The following TNNI3K variants were observed in gnomAD, a reference collection of about 807,000 sequenced individuals.
TNNI3K encodes TNNI3 interacting kinase.
Under a neutral mutation model 114.5 loss-of-function variants are expected in TNNI3K, and 140 were observed. That is an observed-to-expected ratio of 1.22 (90% CI 1.07 to 1.41). TNNI3K has a LOEUF of 1.41. TNNI3K is among the 40% of genes most tolerant of loss of function. The probability of loss-of-function intolerance (pLI) is 0.00; values close to 1 mark genes in which losing one functional copy is unlikely to be tolerated. For missense variants in TNNI3K, 1,125 were observed against 1,007.6 expected (o/e 1.12, Z -1.58); for synonymous variants, 347 against 347.5 (o/e 1.00, Z 0.02).
At chr1:74,526,582 G>A (rs955766271) in intron 23 of TNNI3K, among the ~76,000 whole-genome samples, 7 of 152,264 alleles carry the variant, frequency 4.6e-5, no homozygotes, top group East Asian at 3.9e-4. Flanking sequence ...TGAAGGTGAC[G>A]TGAGAATGCA....
intron 21 of TNNI3K, among the ~76,000 whole-genome samples, chr1:74,466,844 C>A (rs1255729395): frequency 1.3e-5 from 2 of 152,112 alleles, no homozygotes; most frequent in African/African-American, 4.8e-5. Flanking sequence ...CTACTGTATA[C>A]CTCCTAGGAT....
At chr1:74,279,260 T>C (rs1656861707) in intron 5 of TNNI3K, among the ~76,000 whole-genome samples, 1 of 152,202 alleles carries the variant, frequency 6.6e-6, no homozygotes, top group Admixed American at 6.5e-5. Context: ...CACCACAGGC[T>C]CACTCTTTGC....
At chr1:74,485,970 C>A (rs1443689853) in intron 21 of TNNI3K, among the ~76,000 whole-genome samples, 2 of 152,122 alleles carry the variant, frequency 1.3e-5, no homozygotes, top group East Asian at 3.9e-4. Context: ...TAGTGAAACT[C>A]TGAGCAAAGG....
chr1:74,241,281 T>C (rs1239592123), intron 2 of TNNI3K, among the ~76,000 whole-genome samples: 1 of 152,238 alleles, frequency 6.6e-6, no homozygotes, highest in Non-Finnish European at 1.5e-5. Flanking sequence ...TTATAATCCT[T>C]TGGGTATATA....
intron 23 of TNNI3K, among the ~76,000 whole-genome samples, chr1:74,498,661 T>A (rs894634989): frequency 6.6e-6 from 1 of 152,184 alleles, no homozygotes; most frequent in African/African-American, 2.4e-5. Context: ...TACATTCCTG[T>A]CAAGTTCAAA....
At chr1:74,303,298 T>G (rs764610429) in intron 5 of TNNI3K, among the ~76,000 whole-genome samples, 30 of 152,226 alleles carry the variant, frequency 2.0e-4, no homozygotes, top group Non-Finnish European at 4.0e-4. Flanking sequence ...GTTCAAGTGA[T>G]TCTCCTGCCA....
In TNNI3K at chr1:74,540,296, C is replaced by T. The variant is rs755654438; in HGVS notation, c.2414C>T (p.Thr805Ile). 6.2e-7 allele frequency: 1 copy of T among 1,611,770 alleles called. No homozygotes were observed. Among genetic ancestry groups the T allele is most frequent in the Non-Finnish European group, 8.5e-7 (1 of 1,178,682 alleles). Reference protein sequence around the residue: ...LEEMKRSLQYTPIDKYGYVSD... With the variant: ...LEEMKRSLQYIPIDKYGYVSD... Reference sequence around the variant, plus strand: ...GAGATGAAAAGAAGTCTTCAATACACACCCATTGACAAATATGGTAAGTAG... The same window carrying T: ...GAGATGAAAAGAAGTCTTCAATACATACCCATTGACAAATATGGTAAGTAG... Residue 805 changes from threonine to isoleucine, a missense_variant, in exon 24 of 25, where the codon ACA becomes ATA. Coordinates refer to ENST00000326637, the MANE Select transcript of TNNI3K (RefSeq NM_015978.3).
Position 74,235,499 on chromosome 1 carries a change from T to G in TNNI3K, c.40+8T>G. The G allele has an allele frequency of 7.4e-7, 1 of 1,349,146 alleles. No homozygotes were observed. Among genetic ancestry groups the G allele is most frequent in the Non-Finnish European group, 1.0e-6 (1 of 963,012 alleles). 83.6% of individuals were successfully genotyped at this position (1,349,146 alleles called of 1,614,324 possible). A position where few individuals can be genotyped will look rare whatever the true frequency, so the allele number is the denominator to read the frequency against. ...CAACCCAAACTTGTACTGGTAATTA[T>G]TCTAATTATTCTTATTTCCTTAAGT... is the stretch of plus-strand genomic sequence containing the variant. On this transcript the variant is annotated splice_region_variant and intron_variant, in intron 1 of 24. Coordinates refer to ENST00000326637, the MANE Select transcript of TNNI3K (RefSeq NM_015978.3).
intron 22 of TNNI3K, among the ~76,000 whole-genome samples, chr1:74,491,420 A>G (rs1417398273): frequency 1.3e-5 from 2 of 152,130 alleles, no homozygotes; most frequent in Non-Finnish European, 2.9e-5. Flanking sequence ...GGGTTTCACC[A>G]TGTTGACCAG....
intron 20 of TNNI3K, among the ~76,000 whole-genome samples, chr1:74,440,575 T>G (rs769607407): frequency 2.0e-5 from 3 of 152,066 alleles, no homozygotes; most frequent in Non-Finnish European, 2.9e-5. Flanking sequence ...TTTTGGAGTT[T>G]TTTTTCCCCA....
chr1:74,367,246 T>C lies in TNNI3K; in HGVS notation c.1178-10T>C. On this transcript the variant is annotated splice_polypyrimidine_tract_variant and intron_variant, in intron 11 of 24. Coordinates refer to ENST00000326637, the MANE Select transcript of TNNI3K (RefSeq NM_015978.3). ...TTAGGACTCTTTGTTCTTTGTATCTTTTCATAAAGGGCATGATGCCATTGT... is the reference window on the plus strand; with the variant it reads ...TTAGGACTCTTTGTTCTTTGTATCTCTTCATAAAGGGCATGATGCCATTGT... 1 of 1,610,446 alleles carries C rather than the reference T, an allele frequency of 6.2e-7. No homozygotes were observed. Among genetic ancestry groups the C allele is most frequent in the Non-Finnish European group, 8.5e-7 (1 of 1,178,124 alleles).
At chr1:74,433,615 C>T (rs1211272177) in intron 17 of TNNI3K, among the ~76,000 whole-genome samples, 1 of 152,088 alleles carries the variant, frequency 6.6e-6, no homozygotes, top group African/African-American at 2.4e-5. Flanking sequence ...GACATTTAGA[C>T]CCATTATTGC....
chr1:74,517,600 A>T (rs1210279993), intron 23 of TNNI3K, among the ~76,000 whole-genome samples: 2 of 152,192 alleles, frequency 1.3e-5, no homozygotes, highest in African/African-American at 2.4e-5. Context: ...TGTGCTAAGC[A>T]TTATGTATAA....
At chr1:74,499,605 TG>T (rs1481943151) in intron 23 of TNNI3K, among the ~76,000 whole-genome samples, 6 of 152,232 alleles carry the variant, frequency 3.9e-5, no homozygotes, top group Non-Finnish European at 5.9e-5. Flanking sequence ...AGGCATCCAC[TG>T]GGGGTCTTGG....
chr1:74,520,627 G>A (rs555736364), intron 23 of TNNI3K, among the ~76,000 whole-genome samples: 1 of 152,052 alleles, frequency 6.6e-6, no homozygotes, highest in Non-Finnish European at 1.5e-5. Flanking sequence ...AAAAAAAATG[G>A]GAAAAATCAA....
At chr1:74,460,068 A>T (rs973094040) in intron 20 of TNNI3K, among the ~76,000 whole-genome samples, 1 of 152,068 alleles carries the variant, frequency 6.6e-6, no homozygotes, top group African/African-American at 2.4e-5. Flanking sequence ...ATCATATTTA[A>T]CAACATATAA....
At chr1:74,347,419 G>C (rs1455169116) in intron 9 of TNNI3K, among the ~76,000 whole-genome samples, 6 of 151,936 alleles carry the variant, frequency 3.9e-5, no homozygotes, top group Admixed American at 6.6e-5. Context: ...ATTTGGGTTG[G>C]TTCCAAGTCT....
intron 20 of TNNI3K, among the ~76,000 whole-genome samples, chr1:74,451,854 T>A (rs894555056): frequency 2.0e-5 from 3 of 151,340 alleles, no homozygotes; most frequent in African/African-American, 7.3e-5. Context: ...GATTTGTCTA[T>A]TTCTCAAAAT....
At chr1:74,457,483 T>A (rs968181695) in intron 20 of TNNI3K, among the ~76,000 whole-genome samples, 1 of 152,172 alleles carries the variant, frequency 6.6e-6, no homozygotes, top group African/African-American at 2.4e-5. Flanking sequence ...TAACAAAGAA[T>A]GTGTCTTAGC....
Sources: allele counts gnomAD v4.1 joint callset (sites outside exome capture counted in the v4.1 genomes callset), GRCh38; gene constraint gnomAD v4.1.1; transcripts MANE v1.5; gene names NCBI Gene and HGNC (gene_info 2026-07-23, HGNC 2026-07-21).